CDK17: variants seen among roughly 807,000 people sequenced by gnomAD.
CDK17 encodes the protein cyclin-dependent kinase 17.
CDK17 carries 24 observed loss-of-function variants against 77.6 expected under a neutral mutation model. That is an observed-to-expected ratio of 0.31 (90% CI 0.22 to 0.44). The LOEUF (loss-of-function observed/expected upper bound fraction) is 0.44. Ranked by LOEUF, CDK17 falls within the 20% of genes least tolerant of loss-of-function variation. CDK17 has a pLI of 1.00. For synonymous variants in CDK17, 203 were observed against 210.4 expected (o/e 0.96, Z 0.30); for missense variants, 429 against 622.5 (o/e 0.69, Z 3.31).
At chr12:96,313,017 CAG>C (rs764429501) in intron 4 of CDK17, among the ~76,000 whole-genome samples, 2 of 152,034 alleles carry the variant, frequency 1.3e-5, no homozygotes, top group African/African-American at 2.4e-5. Flanking sequence ...TCTGTATTTC[CAG>C]AATTTTTGAA....
rs753558129 is a variant in CDK17 at position 96,300,326 on chromosome 12, A to T, written c.578T>A (p.Ile193Asn). The T allele has an allele frequency of 1.9e-6, 3 of 1,599,174 alleles. No homozygotes were observed. In the South Asian group the frequency reaches 3.4e-5, roughly 18 times the overall value. Reference protein sequence around the residue: ...EIGFGKMETYIKLEKLGEGTY... With the variant: ...EIGFGKMETYNKLEKLGEGTY... ...TACCTCTCCAAGCTTTTCCAATTTG[A>T]TGTAGGTTTCCATTTTTCCAAAGCC... Residue 193 changes from isoleucine (I) to asparagine (N), a missense_variant, in exon 6 of 17, where the codon ATC becomes AAC. By Grantham distance (149) the Ile-to-Asn change is moderately radical (BLOSUM62 -3). Transcript: ENST00000261211.
At chr12:96,360,698 T>A (rs1326120134) in intron 1 of CDK17, among the ~76,000 whole-genome samples, 1 of 152,090 alleles carries the variant, frequency 6.6e-6, no homozygotes, top group Non-Finnish European at 1.5e-5. Context: ...AGTGTGATAA[T>A]GACGTATACC....
At chr12:96,307,235 C>T (rs1347701891) in intron 5 of CDK17, among the ~76,000 whole-genome samples, 2 of 151,880 alleles carry the variant, frequency 1.3e-5, no homozygotes, top group Admixed American at 6.6e-5. Context: ...GCGAAGGTTG[C>T]GGTGACCCGA....
intron 1 of CDK17, among the ~76,000 whole-genome samples, chr12:96,392,265 T>C (rs1055741497): frequency 3.3e-5 from 5 of 152,244 alleles, no homozygotes; most frequent in African/African-American, 1.2e-4. Context: ...CATAGCATTG[T>C]AATATCAACA....
intron 1 of CDK17, among the ~76,000 whole-genome samples, chr12:96,385,293 G>A (rs1219199141): frequency 6.6e-6 from 1 of 152,072 alleles, no homozygotes; most frequent in East Asian, 1.9e-4. Context: ...CAGCCTGGGC[G>A]ACAGAGTGAG....
chr12:96,341,125 G>A (rs1362749219), intron 1 of CDK17, among the ~76,000 whole-genome samples: 2 of 152,084 alleles, frequency 1.3e-5, no homozygotes, highest in Non-Finnish European at 2.9e-5. Context: ...AGTTTGCTTA[G>A]AATAAATGGA....
chr12:96,393,207 T>C (rs186050497), intron 1 of CDK17, among the ~76,000 whole-genome samples: 4 of 150,348 alleles, frequency 2.7e-5, no homozygotes, highest in Admixed American at 2.7e-4. Flanking sequence ...TACTAAAAAC[T>C]ACAAAAATTA....
chr12:96,297,358 G>A, intron 8 of CDK17, 26 bp from the exon 9 acceptor site: 7 of 1,460,672 alleles, frequency 4.8e-6, no homozygotes, highest in Non-Finnish European at 6.7e-6. Context: ...ACTCTGCTAT[G>A]TGATACACCA....
At chr12:96,348,543 CAAAA>C (rs1565830761) in intron 1 of CDK17, among the ~76,000 whole-genome samples, 11 of 113,352 alleles carry the variant, frequency 9.7e-5, no homozygotes, top group Non-Finnish European at 1.9e-4. Context: ...AAAAAAAAAA[CAAAA>C]AAGAAAAAAA....
chr12:96,384,099 A>G (rs1953930999), intron 1 of CDK17, among the ~76,000 whole-genome samples: 1 of 152,214 alleles, frequency 6.6e-6, no homozygotes, highest in African/African-American at 2.4e-5. Context: ...AAGGACATGA[A>G]CAGACATTTC....
chr12:96,397,934 G>C (rs1017283260), intron 1 of CDK17, among the ~76,000 whole-genome samples: 7 of 152,190 alleles, frequency 4.6e-5, no homozygotes, highest in African/African-American at 1.7e-4. Flanking sequence ...CACAATGTTT[G>C]TATGTCAACC....
At chr12:96,382,356 T>A (rs1465793211) in intron 1 of CDK17, among the ~76,000 whole-genome samples, 25 of 134,004 alleles carry the variant, frequency 1.9e-4, no homozygotes, top group Non-Finnish European at 2.6e-4. Context: ...AATCAGTAAT[T>A]AAAAAAAAAA....
At chr12:96,294,699 G>C (rs909617684) in intron 10 of CDK17, among the ~76,000 whole-genome samples, 12 of 151,084 alleles carry the variant, frequency 7.9e-5, no homozygotes, top group African/African-American at 2.7e-4. Context: ...CAGTGAAATA[G>C]GCAAATAACA....
intron 7 of CDK17, 28 bp from the exon 8 acceptor site, chr12:96,297,749 A>G: frequency 2.6e-6 from 3 of 1,154,422 alleles, no homozygotes; most frequent in Non-Finnish European, 3.8e-6. Context: ...AAAATTGTTT[A>G]GTCTGTGGCA....
intron 11 of CDK17, 56 bp downstream of exon 11, chr12:96,289,111 T>C: frequency 6.4e-7 from 1 of 1,562,664 alleles, no homozygotes; most frequent in Non-Finnish European, 8.8e-7. Flanking sequence ...ACATCTTGCA[T>C]TAACAGTTAC....
At chr12:96,393,263 C>G (rs1954103508) in intron 1 of CDK17, among the ~76,000 whole-genome samples, 1 of 138,276 alleles carries the variant, frequency 7.2e-6, no homozygotes, top group South Asian at 2.3e-4. Context: ...ACTCGAGAGG[C>G]TGAGGCAGGG....
At chr12:96,373,817 G>A (rs1014029885) in intron 1 of CDK17, among the ~76,000 whole-genome samples, 5 of 152,070 alleles carry the variant, frequency 3.3e-5, no homozygotes, top group African/African-American at 9.7e-5. Flanking sequence ...CTACTTAGGA[G>A]GCTGGGGCAG....
At chr12:96,323,738 T>C (rs896664933) in intron 3 of CDK17, among the ~76,000 whole-genome samples, 3 of 152,216 alleles carry the variant, frequency 2.0e-5, no homozygotes, top group African/African-American at 2.4e-5. Flanking sequence ...ATTTCCCTCC[T>C]GATGGACAGG....
chr12:96,283,740 T>C, intron 13 of CDK17, 95 bp from the exon 14 acceptor site: 2 of 785,664 alleles, frequency 2.5e-6, no homozygotes, highest in East Asian at 5.0e-5. Flanking sequence ...ATCTGCTAAA[T>C]TTAAATGCCC....
Sources: allele counts gnomAD v4.1 joint callset (sites outside exome capture counted in the v4.1 genomes callset), GRCh38; gene constraint gnomAD v4.1.1; transcripts MANE v1.5; gene names NCBI Gene and HGNC (gene_info 2026-07-23, HGNC 2026-07-21).